NEK10: variants seen among roughly 807,000 people sequenced by gnomAD.
NEK10 encodes the protein serine/threonine-protein kinase Nek10.
In NEK10, 122 loss-of-function variants were observed where a neutral mutation model predicts 159.8. That is an observed-to-expected ratio of 0.76 (90% CI 0.66 to 0.89). NEK10 has a LOEUF of 0.89. NEK10 is among the 40% of genes least tolerant of loss of function. The pLI, the probability that NEK10 is intolerant of heterozygous loss-of-function variation, is 0.00. For missense variants in NEK10, 1,342 were observed against 1,323.1 expected (o/e 1.01, Z -0.22); for synonymous variants, 466 against 457.1 (o/e 1.02, Z -0.25).
rs535385781 is a variant in NEK10, at chr3:27,334,020, T to C, written c.362+10252A>G. The stretch of plus-strand genomic sequence containing the variant: ...TCCTGCCTACCATGGCCAACACCTG[T>C]ACACAGAACTGCAGGGCCCTGAGGA... On this transcript the variant is annotated intron_variant, in intron 5 of 35. Transcript: ENST00000691995. Among the ~76,000 whole-genome samples, 3 of 152,254 alleles carry C rather than the reference T, an allele frequency of 2.0e-5. No individual in the cohort carries two copies. The East Asian group carries it at 5.8e-4, about 29-fold the overall frequency.
intron 25 of NEK10, among the ~76,000 whole-genome samples, chr3:27,193,410 C>G (rs190491619): frequency 1.3e-4 from 20 of 152,174 alleles, no homozygotes; most frequent in African/African-American, 4.8e-4. Context: ...TTCAATAGTT[C>G]TCATGGTCCA....
intron 23 of NEK10, chr3:27,252,761 T>G (rs1955795977): frequency 5.2e-6 from 2 of 385,364 alleles, no homozygotes; most frequent in African/African-American, 4.2e-5. Flanking sequence ...GAGCTGCATG[T>G]GCAAAGGCCC....
intron 5 of NEK10, among the ~76,000 whole-genome samples, chr3:27,331,457 T>G (rs565800841): frequency 6.6e-6 from 1 of 152,086 alleles, no homozygotes; most frequent in Non-Finnish European, 1.5e-5. Context: ...GCTGAAGAGA[T>G]AAATTCACAG....
At chr3:27,356,265 C>T (rs2048320070) in intron 1 of NEK10, among the ~76,000 whole-genome samples, 2 of 152,288 alleles carry the variant, frequency 1.3e-5, no homozygotes, top group African/African-American at 4.8e-5. Context: ...ATTCCTAACA[C>T]CTTCAGAGGC....
Position 27,115,924 on chromosome 3 carries a change from A to G in NEK10, c.3299+16T>C. 5 of 1,594,772 alleles carry G rather than the reference A, an allele frequency of 3.1e-6. No individual in the cohort carries two copies. The highest frequency in any genetic ancestry group is 4.3e-6 in the Non-Finnish European group (5 of 1,164,726). ...CAATTCATCTTTCACAATTGAAGGC[A>G]AACTCTAGCTCTTACCTGTTAGATG... On this transcript the variant is annotated intron_variant, in intron 35 of 35. Transcript: ENST00000691995.
At chr3:27,253,663 A>G (rs188177581) in intron 23 of NEK10, among the ~76,000 whole-genome samples, 1 of 152,274 alleles carries the variant, frequency 6.6e-6, no homozygotes, top group East Asian at 1.9e-4. Context: ...AGGAAGCAAA[A>G]GCAAATGGAA....
At chr3:27,139,456 C>A (rs960132351) in intron 31 of NEK10, among the ~76,000 whole-genome samples, 1 of 152,104 alleles carries the variant, frequency 6.6e-6, no homozygotes, top group Non-Finnish European at 1.5e-5. Flanking sequence ...TTCATGTACA[C>A]CATGACCCAG....
At chr3:27,158,607 C>A (rs1012963771) in intron 30 of NEK10, among the ~76,000 whole-genome samples, 2 of 152,148 alleles carry the variant, frequency 1.3e-5, no homozygotes, top group African/African-American at 2.4e-5. Flanking sequence ...GTGACAATTT[C>A]TATTCAAAAT....
chr3:27,181,445 G>A (rs1002676660), intron 26 of NEK10, among the ~76,000 whole-genome samples: 41 of 152,198 alleles, frequency 2.7e-4, no homozygotes, highest in Admixed American at 2.6e-3. Flanking sequence ...CATTGGGTAG[G>A]CTGAAGACGA....
intron 22 of NEK10, among the ~76,000 whole-genome samples, chr3:27,273,720 G>A (rs1431747549): frequency 6.6e-6 from 1 of 152,126 alleles, no homozygotes; most frequent in Non-Finnish European, 1.5e-5. Flanking sequence ...GAGTCTACTT[G>A]AGCACAACTG....
chr3:27,162,865 C>G (rs1217065885), intron 29 of NEK10, 127 bp from the exon 30 acceptor site: 2 of 1,251,996 alleles, frequency 1.6e-6, no homozygotes, highest in Non-Finnish European at 2.2e-6. Context: ...AAGATGCTCT[C>G]AAGAGTTTAA....
intron 5 of NEK10, among the ~76,000 whole-genome samples, chr3:27,323,258 G>A (rs1321292369): frequency 1.3e-5 from 2 of 152,176 alleles, no homozygotes; most frequent in African/African-American, 2.4e-5. Flanking sequence ...GTCCCATACT[G>A]AGGCAAGGGC....
chr3:27,348,553 T>C (rs1163971401), intron 3 of NEK10, among the ~76,000 whole-genome samples: 1 of 152,156 alleles, frequency 6.6e-6, no homozygotes, highest in African/African-American at 2.4e-5. Flanking sequence ...CCAGTTTGTC[T>C]ATCTTCTGTG....
chr3:27,114,380 C>T (rs376820235), intron 35 of NEK10, among the ~76,000 whole-genome samples: 199 of 152,162 alleles, frequency 1.3e-3, no homozygotes, highest in South Asian at 4.4e-3. Flanking sequence ...TTTCTATTGA[C>T]GGTATATCTT....
rs10510592 is a variant in NEK10 at position 27,291,329 on chromosome 3, A to G, written c.1538T>C (p.Leu513Ser). ...IESINQNKAP[L>S]KYIGNYAILD... ...AATTGCATAGTTGCCTATATATTTC[A>G]AAGGAGCTTTGTTCTGATTAATGCT... The change falls in exon 18 of 36, where the codon TTG becomes TCG. Residue 513 changes from leucine to serine, a missense_variant. Coordinates refer to ENST00000691995, the MANE Select transcript of NEK10 (RefSeq NM_001394966.1). The G allele has an allele frequency of 0.25, 403,632 of 1,612,430 alleles. 53,151 individuals carry two copies. Among genetic ancestry groups the G allele is most frequent in the Middle Eastern group, 0.39 (2,385 of 6,056 alleles).
chr3:27,305,030 A>T, intron 11 of NEK10, 59 bp from the exon 12 acceptor site: 1 of 1,003,904 alleles, frequency 1.0e-6, no homozygotes, highest in Non-Finnish European at 1.5e-6. Context: ...ATTACTTTAC[A>T]TTAAGACTAA....
At chr3:27,352,089 G>T (rs1454271811) in intron 3 of NEK10, among the ~76,000 whole-genome samples, 1 of 152,076 alleles carries the variant, frequency 6.6e-6, no homozygotes, top group African/African-American at 2.4e-5. Context: ...AGAGTAAGGG[G>T]GAAGGAGGAG....
intron 29 of NEK10, among the ~76,000 whole-genome samples, chr3:27,165,116 G>A (rs1946363573): frequency 6.6e-6 from 1 of 152,122 alleles, no homozygotes; most frequent in South Asian, 2.1e-4. Flanking sequence ...CCCACGATGT[G>A]TAGCCACCAT....
intron 23 of NEK10, among the ~76,000 whole-genome samples, chr3:27,213,464 A>G (rs1951197175): frequency 6.6e-6 from 1 of 152,236 alleles, no homozygotes; most frequent in South Asian, 2.1e-4. Flanking sequence ...GTGACCAAAA[A>G]TTAAGGTTTG....
Sources: allele counts gnomAD v4.1 joint callset (sites outside exome capture counted in the v4.1 genomes callset), GRCh38; gene constraint gnomAD v4.1.1; transcripts MANE v1.5; gene names NCBI Gene and HGNC (gene_info 2026-07-23, HGNC 2026-07-21).